Variants in EXD3 observed in about 807,000 individuals in gnomAD.
The protein encoded by EXD3 is exonuclease 3'-5' domain containing 3.
Under a neutral mutation model 98.0 loss-of-function variants are expected in EXD3, and 92 were observed. That is an observed-to-expected ratio of 0.94 (90% CI 0.79 to 1.12). The LOEUF (loss-of-function observed/expected upper bound fraction) is 1.12, where lower values mean the gene tolerates loss of function less well. Ranked by LOEUF, EXD3 falls within the 50% of genes most tolerant of loss-of-function variation. The probability of loss-of-function intolerance (pLI) is 0.00; values close to 1 mark genes in which losing one functional copy is unlikely to be tolerated. For synonymous variants in EXD3, 569 were observed against 526.0 expected (o/e 1.08, Z -1.12); for missense variants, 1,222 against 1,191.6 (o/e 1.03, Z -0.38).
chr9:137,342,627 ATTGT>A (rs1833706823), intron 17 of EXD3, among the ~76,000 whole-genome samples: 1 of 152,240 alleles, frequency 6.6e-6, no homozygotes, highest in Non-Finnish European at 1.5e-5. Context: ...CATACACCAC[ATTGT>A]TTGTAAAGAT....
chr9:137,315,507 C>T (rs1350513365), intron 19 of EXD3, among the ~76,000 whole-genome samples: 2 of 152,078 alleles, frequency 1.3e-5, no homozygotes, highest in Non-Finnish European at 2.9e-5. Context: ...CTTGGGGGCC[C>T]CCGGCTGACC....
At chr9:137,389,345 T>TCTATCAACACAGCGGCCCA (rs1338906768) in intron 2 of EXD3, among the ~76,000 whole-genome samples, 1 of 151,794 alleles carries the variant, frequency 6.6e-6, no homozygotes, top group Admixed American at 6.6e-5. Context: ...AGCCCCTTGC[T>TCTATCAACACAGCGGCCCA]CTATCAACAC....
Position 137,403,405 on chromosome 9 carries a change from C to A in EXD3, c.-47-8001G>T, listed in dbSNP as rs1303948571. On this transcript the variant is annotated intron_variant, in intron 1 of 21. Coordinates refer to ENST00000340951, the MANE Select transcript of EXD3 (RefSeq NM_017820.5). This position sits in a 1 kb window ranked among gnomAD's most constrained non-coding sequence, Gnocchi z 6.1. The stretch of plus-strand genomic sequence containing the variant: ...AGCTGCAGACCCCGTTCCTCTGTAG[C>A]CCTCCCCACCCCCAGCCCAGCAGCA... Among the ~76,000 whole-genome samples, 2 of 112,874 alleles carry A rather than the reference C, an allele frequency of 1.8e-5. No homozygotes were observed. Among genetic ancestry groups the A allele is most frequent in the East Asian group, 2.2e-4 (1 of 4,622 alleles). The allele number at this position is 112,874 out of a possible 152,430, so 74.0% of individuals were successfully genotyped here.
chr9:137,355,319 G>A (rs1453865240), intron 8 of EXD3, among the ~76,000 whole-genome samples: 2 of 151,722 alleles, frequency 1.3e-5, no homozygotes, highest in African/African-American at 4.9e-5. Context: ...CTAACGGGCT[G>A]GCTGGTCCTC....
chr9:137,389,988 G>A (rs1216419117), intron 2 of EXD3, among the ~76,000 whole-genome samples: 1 of 151,636 alleles, frequency 6.6e-6, no homozygotes, highest in African/African-American at 2.4e-5. Flanking sequence ...CAAGCATGGT[G>A]GTGGGTGCCT....
At chr9:137,355,472 GGAGGAAGGAGGAA>G (rs1834609669) in intron 8 of EXD3, among the ~76,000 whole-genome samples, 1 of 116,186 alleles carries the variant, frequency 8.6e-6, no homozygotes, top group African/African-American at 4.0e-5. Flanking sequence ...AAAGGAGGAA[GGAGGAAGGAGGAA>G]GGAGGATGGA....
At chr9:137,348,368 GTGC>G (rs1348234659) in intron 16 of EXD3, 130 bp from the exon 17 acceptor site, 1 of 1,107,592 alleles carries the variant, frequency 9.0e-7, no homozygotes, top group Non-Finnish European at 1.3e-6. Flanking sequence ...AAAACTGTGT[GTGC>G]TGTGCATAAA....
chr9:137,323,653 C>T, intron 19 of EXD3, 72 bp downstream of exon 19: 2 of 1,568,862 alleles, frequency 1.3e-6, no homozygotes, highest in South Asian at 1.2e-5. Context: ...GGGTGGGGCC[C>T]ACCTCCCTGG....
At chr9:137,330,601 GGA>G (rs1564482336) in intron 17 of EXD3, among the ~76,000 whole-genome samples, 36 of 141,752 alleles carry the variant, frequency 2.5e-4, no homozygotes, top group African/African-American at 9.1e-4. Context: ...GGACTACACA[GGA>G]CTACACAGGA....
chr9:137,394,818 G>GAAA (rs1837125480), intron 2 of EXD3, among the ~76,000 whole-genome samples: 1 of 152,164 alleles, frequency 6.6e-6, no homozygotes, highest in African/African-American at 2.4e-5. Flanking sequence ...TCGAAGGGAT[G>GAAA]AAAAATGCCT....
intron 17 of EXD3, among the ~76,000 whole-genome samples, chr9:137,346,871 T>A (rs990159191): frequency 6.6e-6 from 1 of 152,160 alleles, no homozygotes; most frequent in African/African-American, 2.4e-5. Context: ...TGGAGTGCAG[T>A]GGTGCGATCT....
At chr9:137,330,059 C>G (rs1244634427) in intron 17 of EXD3, among the ~76,000 whole-genome samples, 2 of 142,218 alleles carry the variant, frequency 1.4e-5, no homozygotes, top group African/African-American at 2.8e-5. Context: ...CGGGACTACA[C>G]AGGAGCTACA....
chr9:137,356,436 C>A (rs953591730), intron 7 of EXD3, 68 bp from the exon 8 acceptor site: 2 of 1,073,686 alleles, frequency 1.9e-6, no homozygotes, highest in Non-Finnish European at 2.8e-6. Context: ...TTTTCATTTT[C>A]ATCATAGTCA....
chr9:137,355,994 T>C (rs1834763003), intron 8 of EXD3, among the ~76,000 whole-genome samples: 3 of 152,170 alleles, frequency 2.0e-5, no homozygotes, highest in Non-Finnish European at 4.4e-5. Context: ...CCCTCAGCTC[T>C]GCAGCCAGGC....
At chr9:137,345,677 G>GAAAGA (rs1423795986) in intron 17 of EXD3, 34 of 123,170 alleles carry the variant, frequency 2.8e-4, no homozygotes, top group African/African-American at 6.8e-4. Context: ...AAAAAAAAAG[G>GAAAGA]AAAGAAAAGA....
Position 137,306,914 on chromosome 9 carries a change from A to G in EXD3, c.*36T>C, listed in dbSNP as rs548375974. 6.6e-7 allele frequency: 1 copy of G among 1,525,134 alleles called. No homozygotes were observed. Among genetic ancestry groups the G allele is most frequent in the Admixed American group, 2.0e-5 (1 of 49,258 alleles). 94.5% of individuals were successfully genotyped at this position (1,525,134 alleles called of 1,614,324 possible). ...GCCAGTCCACGGCCATGGGCCCAGC[A>G]GTCGGGCACTTTCCATGTTTATTGT... On this transcript the variant is annotated 3_prime_UTR_variant, in exon 22 of 22. Transcript: ENST00000340951.
chr9:137,387,154 C>T (rs1836645080), intron 2 of EXD3, among the ~76,000 whole-genome samples: 1 of 73,856 alleles, frequency 1.4e-5, no homozygotes, highest in African/African-American at 1.8e-4. Context: ...GCCTGGCCCT[C>T]GGCCCCCGCT....
chr9:137,355,177 C>T (rs886701077), intron 8 of EXD3, among the ~76,000 whole-genome samples: 2 of 152,148 alleles, frequency 1.3e-5, no homozygotes, highest in African/African-American at 4.8e-5. Context: ...GCGGCAGGGA[C>T]TGAGGCACAC....
intron 1 of EXD3, among the ~76,000 whole-genome samples, chr9:137,410,937 C>G (rs1270960939): frequency 6.6e-6 from 1 of 152,138 alleles, no homozygotes. Flanking sequence ...GCAGACCCCC[C>G]AGGGCCTGAG....
Sources: gnomAD v4.1 joint callset for allele counts (sites outside exome capture counted in the v4.1 genomes callset) on GRCh38, gnomAD v4.1.1 for gene constraint, Gnocchi (gnomAD v3.1) non-coding constraint, MANE v1.5 for transcripts, NCBI Gene and HGNC (gene_info 2026-07-23, HGNC 2026-07-21) for gene names.